Variants in PLEKHA6 observed in about 807,000 individuals in gnomAD.
PLEKHA6 encodes the protein pleckstrin homology domain containing A6.
In PLEKHA6, 60 loss-of-function variants were observed where a neutral mutation model predicts 116.7. That is an observed-to-expected ratio of 0.51 (90% confidence interval 0.42 to 0.64). The LOEUF (loss-of-function observed/expected upper bound fraction) is 0.64, where lower values mean the gene tolerates loss of function less well. Among genes scored for constraint, PLEKHA6 ranks in the 30% least tolerant of loss-of-function variants. The pLI is 0.00. For synonymous variants in PLEKHA6, 489 were observed against 556.1 expected, an observed-to-expected ratio of 0.88 and a Z score of 1.70; for missense variants, 1,338 against 1,422.7, an observed-to-expected ratio of 0.94 and a Z score of 0.96.
At chr1:204,347,369 G>C (rs1301801509) in intron 1 of PLEKHA6, 1 of 614,988 alleles carries the variant, frequency 1.6e-6, no homozygotes, top group Non-Finnish European at 2.9e-6. Flanking sequence ...CAGAGTTTAA[G>C]GTGATCTCTC....
intron 13 of PLEKHA6, among the ~76,000 whole-genome samples, chr1:204,246,812 A>G (rs1415605607): frequency 6.6e-6 from 1 of 152,234 alleles, no homozygotes; most frequent in Non-Finnish European, 1.5e-5. Flanking sequence ...CTACTCTTCT[A>G]ATGCCTGAGT....
rs115780913 is a variant in PLEKHA6, at chr1:204,368,088, G to A, written c.161-232C>T. 4.4e-3 allele frequency among the ~76,000 whole-genome samples: 674 copies of A among 152,308 alleles called. 3 individuals are homozygous for A. The highest frequency in any genetic ancestry group is 0.015 in the African/African-American group (635 of 41,552). On this transcript the variant is annotated intron_variant, in intron 2 of 4. Coordinates refer to the PLEKHA6 transcript ENST00000564627. Reference sequence around the variant, plus strand: ...TATGGGAGTGGACGGGATGTCCTCCGTCAATGAGCGGTGAAGTGACCGAAT... The same window carrying A: ...TATGGGAGTGGACGGGATGTCCTCCATCAATGAGCGGTGAAGTGACCGAAT...
At chr1:204,276,637 GAC>G (rs10567692) in intron 1 of PLEKHA6, among the ~76,000 whole-genome samples, 70,570 of 136,536 alleles carry the variant, frequency 0.52, 18,546 homozygotes, top group East Asian at 0.62. Flanking sequence ...CACTGGCACA[GAC>G]ACACACACAC....
Position 204,222,423 on chromosome 1 carries a change from C to T in PLEKHA6, c.*365G>A, listed in dbSNP as rs182560803. 1 of 152,896 alleles carries T rather than the reference C, an allele frequency of 6.5e-6. No individual in the cohort carries two copies. Among genetic ancestry groups the T allele is most frequent in the Admixed American group, 6.5e-5 (1 of 15,306 alleles). The allele number at this position is 152,896 out of a possible 1,614,324, so 9.5% of individuals were successfully genotyped here. On this transcript the variant is annotated 3_prime_UTR_variant, in exon 23 of 23. Transcript: ENST00000272203. Reference sequence around the variant, plus strand: ...GTGTGTTCTCCACCACGGCATGTCCCCCATCAGGGAATGTTCCACTGGAGT... The same window carrying T: ...GTGTGTTCTCCACCACGGCATGTCCTCCATCAGGGAATGTTCCACTGGAGT...
intron 1 of PLEKHA6, among the ~76,000 whole-genome samples, chr1:204,329,880 C>T (rs906065634): frequency 1.4e-5 from 2 of 143,272 alleles, no homozygotes; most frequent in African/African-American, 5.2e-5. Flanking sequence ...CAAAGTGAGA[C>T]CCTGTCTCAA....
At chr1:204,306,696 C>T (rs985425515) in intron 1 of PLEKHA6, among the ~76,000 whole-genome samples, 14 of 152,122 alleles carry the variant, frequency 9.2e-5, no homozygotes, top group African/African-American at 1.7e-4. Context: ...AGATAGATAC[C>T]GGGGACTCCA....
chr1:204,375,379 A>C (rs1455147609), intron 1 of PLEKHA6, among the ~76,000 whole-genome samples: 1 of 151,936 alleles, frequency 6.6e-6, no homozygotes, highest in Non-Finnish European at 1.5e-5. Flanking sequence ...ACCTCTGTCA[A>C]CTCAAGCTGG....
At chr1:204,361,310 A>C (rs1031840573), upstream of PLEKHA6, among the ~76,000 whole-genome samples, 21 of 152,174 alleles carry the variant, frequency 1.4e-4, no homozygotes, top group African/African-American at 5.1e-4. Context: ...TACCAACTGA[A>C]GCCCTTATCT....
At position 204,257,565 on chromosome 1, in the gene PLEKHA6, C is replaced by T; in HGVS notation, c.1312G>A (p.Asp438Asn). Residue 438 changes from aspartate to asparagine, a missense_variant, in exon 9 of 23, where the codon GAT becomes AAT. Asp to Asn is a conservative substitution (Grantham distance 23, BLOSUM62 1). Transcript: ENST00000272203. This position sits in a 1 kb window ranked among gnomAD's most constrained non-coding sequence, Gnocchi z 6.5. ...CGGCGCAGGGAGCTAGAGGCGGCATCCAGCTCATCATAATAGACTGGCTGC... is the reference window on the plus strand; with the variant it reads ...CGGCGCAGGGAGCTAGAGGCGGCATTCAGCTCATCATAATAGACTGGCTGC... ...SRQPVYYDELDAASSSLRRLS... is the reference protein window; with the variant it reads ...SRQPVYYDELNAASSSLRRLS... 6.2e-7 allele frequency: 1 copy of T among 1,604,348 alleles called. No individual in the cohort carries two copies.
rs115555675 is a variant in PLEKHA6 at position 204,284,075 on chromosome 1, G to A, written c.-94-9266C>T. On this transcript the variant is annotated intron_variant, in intron 1 of 22. Coordinates refer to ENST00000272203, the MANE Select transcript of PLEKHA6 (RefSeq NM_014935.5). ...AGGAGCTCAGCCTCAAATCCCTCTC[G>A]CCGGGATCAGTGTGCACAGTGCATC... 5.1e-3 allele frequency among the ~76,000 whole-genome samples: 781 copies of A among 152,310 alleles called. 10 individuals carry two copies. The highest frequency in any genetic ancestry group is 0.018 in the African/African-American group (734 of 41,554).
intron 17 of PLEKHA6, among the ~76,000 whole-genome samples, chr1:204,232,006 T>G (rs1387338117): frequency 6.6e-6 from 1 of 152,132 alleles, no homozygotes; most frequent in African/African-American, 2.4e-5. Flanking sequence ...ATATCATGAA[T>G]GGAATGCTGG....
At chr1:204,264,899 G>A (rs755355191) in intron 6 of PLEKHA6, 43 bp downstream of exon 6, 82 of 1,335,592 alleles carry the variant, frequency 6.1e-5, no homozygotes, top group Non-Finnish European at 8.6e-5. Context: ...AGAAGAGCAG[G>A]CCTTCCTTCC....
rs1342308081 is a variant in PLEKHA6, at chr1:204,277,625, C to T, written c.-94-2816G>A. 2.6e-5 allele frequency: 4 copies of T among 152,190 alleles called. No individual in the cohort carries two copies. Among genetic ancestry groups the T allele is most frequent in the African/African-American group, 9.7e-5 (4 of 41,440 alleles). 9.4% of individuals were successfully genotyped at this position (152,190 alleles called of 1,614,324 possible). Reference sequence around the variant, plus strand: ...TCAGAGATCCTTCAGATCCTGTGGGCATAAGGGTTAAATGAAGCTCCCGAT... The same window carrying T: ...TCAGAGATCCTTCAGATCCTGTGGGTATAAGGGTTAAATGAAGCTCCCGAT... On this transcript the variant is annotated intron_variant, in intron 1 of 22. Transcript: ENST00000272203. The surrounding 1 kb of genome is among the most constrained non-coding windows in gnomAD (Gnocchi z 4.1).
intron 9 of PLEKHA6, among the ~76,000 whole-genome samples, chr1:204,254,438 A>T (rs753705596): frequency 2.0e-5 from 3 of 151,668 alleles, no homozygotes; most frequent in Admixed American, 6.6e-5. Flanking sequence ...ATAGCATCTC[A>T]TTTAAAATTT....
chr1:204,298,495 G>A (rs1374285462), intron 1 of PLEKHA6, among the ~76,000 whole-genome samples: 2 of 152,158 alleles, frequency 1.3e-5, no homozygotes, highest in Non-Finnish European at 2.9e-5. Flanking sequence ...ATGGAGAATG[G>A]CAATGACACA....
chr1:204,345,439 C>A (rs1025185740), intron 1 of PLEKHA6, among the ~76,000 whole-genome samples: 5 of 152,080 alleles, frequency 3.3e-5, no homozygotes, highest in Non-Finnish European at 4.4e-5. Flanking sequence ...TGGCCCCACT[C>A]CCTTCGAGGT....
Position 204,257,879 on chromosome 1 carries a change from A to G in PLEKHA6, c.1008-10T>C. ...ATAGAACCTAGAGGGACTGAGAGAG[A>G]GGGGACATTGTAATGAAGGCAGACA... On this transcript the variant is annotated splice_polypyrimidine_tract_variant and intron_variant, in intron 8 of 22. Transcript: ENST00000272203. This position sits in a 1 kb window ranked among gnomAD's most constrained non-coding sequence, Gnocchi z 6.5. 1 of 1,590,944 alleles carries G rather than the reference A, an allele frequency of 6.3e-7. No homozygotes were observed. Among genetic ancestry groups the G allele is most frequent in the Non-Finnish European group, 8.6e-7 (1 of 1,164,378 alleles).
intron 6 of PLEKHA6, among the ~76,000 whole-genome samples, chr1:204,263,860 T>C (rs960872980): frequency 6.6e-6 from 1 of 152,150 alleles, no homozygotes; most frequent in African/African-American, 2.4e-5. Context: ...TAATTGTTCA[T>C]TCTCTTCACA....
chr1:204,293,289 C>T (rs578224059), intron 1 of PLEKHA6, among the ~76,000 whole-genome samples: 1 of 152,256 alleles, frequency 6.6e-6, no homozygotes, highest in South Asian at 2.1e-4. Flanking sequence ...CATGTGCCAC[C>T]ACACCCAGTT....
Sources: allele counts gnomAD v4.1 joint callset (sites outside exome capture counted in the v4.1 genomes callset), GRCh38; gene constraint gnomAD v4.1.1; non-coding constraint Gnocchi (gnomAD v3.1); transcripts MANE v1.5; gene names NCBI Gene and HGNC (gene_info 2026-07-23, HGNC 2026-07-21).